The following DNAH11 variants were observed in gnomAD, a reference collection of about 807,000 sequenced individuals.
DNAH11 encodes the protein dynein axonemal heavy chain 11.
DNAH11 carries 442 observed loss-of-function variants against 526.0 expected under a neutral mutation model. The observed-to-expected ratio is 0.84, with a 90% CI of 0.78 to 0.91. The LOEUF is 0.91. DNAH11 is among the 40% of genes least tolerant of loss of function. DNAH11 has a pLI of 0.00. For missense variants in DNAH11, 6,989 were observed against 5,448.7 expected, an observed-to-expected ratio of 1.28 and a Z score of -8.90; for synonymous variants, 2,461 against 1,935.9, an observed-to-expected ratio of 1.27 and a Z score of -7.12.
chr7:21,740,388 C>G (rs1450815345), intron 48 of DNAH11, among the ~76,000 whole-genome samples: 3 of 152,142 alleles, frequency 2.0e-5, no homozygotes, highest in Non-Finnish European at 4.4e-5. Flanking sequence ...TTTTTCTCCT[C>G]CCCACTTTCC....
At chr7:21,735,578 T>C in intron 45 of DNAH11, 62 bp from the exon 46 acceptor site, 5 of 1,458,082 alleles carry the variant, frequency 3.4e-6, no homozygotes, top group Non-Finnish European at 4.6e-6. Flanking sequence ...TTGGAATGCC[T>C]CTCTCTCGCA....
intron 42 of DNAH11, 90 bp downstream of exon 42, chr7:21,711,950 G>A: frequency 7.0e-7 from 1 of 1,432,368 alleles, no homozygotes; most frequent in Non-Finnish European, 9.5e-7. Context: ...CATTCATGTT[G>A]TTGCACAGCT....
chr7:21,734,893 C>T (rs540442918), intron 45 of DNAH11, among the ~76,000 whole-genome samples: 5 of 151,646 alleles, frequency 3.3e-5, no homozygotes, highest in South Asian at 2.1e-4. Flanking sequence ...CACAATCAAC[C>T]GGGTGCAGTG....
At chr7:21,814,205 C>T (rs540360898) in intron 63 of DNAH11, among the ~76,000 whole-genome samples, 166 of 152,220 alleles carry the variant, frequency 1.1e-3, no homozygotes, top group African/African-American at 3.7e-3. Flanking sequence ...GAACACCTAT[C>T]GCGAATGGAG....
chr7:21,878,485 T>G (rs1205438319), intron 74 of DNAH11, among the ~76,000 whole-genome samples: 1 of 152,224 alleles, frequency 6.6e-6, no homozygotes, highest in African/African-American at 2.4e-5. Flanking sequence ...AGTAAATTTT[T>G]TTTATACCCT....
intron 40 of DNAH11, among the ~76,000 whole-genome samples, chr7:21,708,816 G>A (rs1784363307): frequency 6.6e-6 from 1 of 152,106 alleles, no homozygotes; most frequent in African/African-American, 2.4e-5. Flanking sequence ...TCAGCATCTG[G>A]TGAAATGTCA....
At chr7:21,621,061 A>C (rs1786029903) in intron 25 of DNAH11, among the ~76,000 whole-genome samples, 1 of 151,988 alleles carries the variant, frequency 6.6e-6, no homozygotes. Context: ...ATGATTTATA[A>C]TCCTTTGGGT....
intron 4 of DNAH11, among the ~76,000 whole-genome samples, chr7:21,560,196 G>T (rs1783397534): frequency 6.6e-6 from 1 of 152,068 alleles, no homozygotes; most frequent in Admixed American, 6.6e-5. Context: ...CTTACTTAAG[G>T]TTCTAAAAGT....
chr7:21,852,689 G>T (rs760040317), intron 67 of DNAH11, 58 bp downstream of exon 67: 10 of 1,496,528 alleles, frequency 6.7e-6, no homozygotes, highest in Middle Eastern at 1.9e-4. Context: ...TGAGACATGT[G>T]GGGTGGGCAG....
At chr7:21,880,626 A>G in intron 74 of DNAH11, 76 bp from the exon 75 acceptor site, 6 of 1,511,362 alleles carry the variant, frequency 4.0e-6, no homozygotes, top group Non-Finnish European at 5.4e-6. Context: ...TCTTTACAAG[A>G]TTATTGAAAA....
At position 21,570,405 on chromosome 7, in the gene DNAH11, T is replaced by G. The variant is rs573367995; in HGVS notation, c.1425+106T>G. The G allele has an allele frequency of 7.9e-6, 7 of 890,672 alleles. No individual in the cohort carries two copies. The African/African-American group carries it at 1.2e-4, about 15-fold the overall frequency. 55.2% of individuals were successfully genotyped at this position (890,672 alleles called of 1,614,324 possible). A position where few individuals can be genotyped will look rare whatever the true frequency, so the allele number is the denominator to read the frequency against. ...GTTTACTTTATATCATAGGTGGAGG[T>G]CTCCTTTCTCAGTGATTCTCATAAG... is the stretch of plus-strand genomic sequence containing the variant. On this transcript the variant is annotated intron_variant, in intron 7 of 81. Transcript: ENST00000409508.
chr7:21,764,930 C>T (rs1316685565), intron 54 of DNAH11, among the ~76,000 whole-genome samples: 8 of 151,936 alleles, frequency 5.3e-5, no homozygotes, highest in African/African-American at 1.9e-4. Context: ...AAATCTGAAG[C>T]GGAAGCTCAA....
intron 30 of DNAH11, among the ~76,000 whole-genome samples, chr7:21,671,771 A>G (rs1211828182): frequency 6.6e-6 from 1 of 152,086 alleles, no homozygotes; most frequent in Admixed American, 6.5e-5. Flanking sequence ...TTCTTTTCTA[A>G]TATAAGCATT....
Position 21,671,704 on chromosome 7 carries a change from A to T in DNAH11, c.5329-9842A>T, listed in dbSNP as rs576125060. 3.3e-5 allele frequency among the ~76,000 whole-genome samples: 5 copies of T among 151,986 alleles called. No individual in the cohort carries two copies. The East Asian group carries it at 9.7e-4, about 29-fold the overall frequency. On this transcript the variant is annotated intron_variant, in intron 30 of 81. Coordinates refer to ENST00000409508, the MANE Select transcript of DNAH11 (RefSeq NM_001277115.2). ...CCTTTCTTCTACTTACTTTGAGCTTAATTTGTTCCTCTTTTTCAAGTTTCT... is the reference window on the plus strand; with the variant it reads ...CCTTTCTTCTACTTACTTTGAGCTTTATTTGTTCCTCTTTTTCAAGTTTCT...
At chr7:21,695,764 G>C (rs1411170540) in intron 35 of DNAH11, among the ~76,000 whole-genome samples, 1 of 152,078 alleles carries the variant, frequency 6.6e-6, no homozygotes, top group Non-Finnish European at 1.5e-5. Flanking sequence ...ACTAAAATGT[G>C]TCTACACAGC....
chr7:21,637,461 A>C (rs1786920079), intron 26 of DNAH11, 150 bp from the exon 27 acceptor site: 6 of 612,214 alleles, frequency 9.8e-6, no homozygotes, highest in Non-Finnish European at 8.8e-6. Context: ...GAAAAGCAAA[A>C]GTAAACAGAT....
intron 46 of DNAH11, among the ~76,000 whole-genome samples, chr7:21,738,264 C>A (rs911280576): frequency 1.3e-5 from 2 of 152,156 alleles, no homozygotes; most frequent in African/African-American, 4.8e-5. Flanking sequence ...CTCCAGCGGC[C>A]TAAGAAGACA....
intron 8 of DNAH11, among the ~76,000 whole-genome samples, chr7:21,575,046 T>C (rs1233239813): frequency 6.6e-6 from 1 of 151,888 alleles, no homozygotes; most frequent in East Asian, 1.9e-4. Flanking sequence ...AACTAACTTT[T>C]GTATTTTTAA....
At chr7:21,688,630 C>G (rs1304602781) in intron 34 of DNAH11, among the ~76,000 whole-genome samples, 1 of 152,306 alleles carries the variant, frequency 6.6e-6, no homozygotes, top group South Asian at 2.1e-4. Context: ...TTTAATATAT[C>G]CAAAATAAAA....
Sources: allele counts gnomAD v4.1 joint callset (sites outside exome capture counted in the v4.1 genomes callset), GRCh38; gene constraint gnomAD v4.1.1; transcripts MANE v1.5; gene names NCBI Gene and HGNC (gene_info 2026-07-23, HGNC 2026-07-21).